ALDH1L1: variants seen among roughly 807,000 people sequenced by gnomAD.
ALDH1L1 encodes the protein aldehyde dehydrogenase 1 family member L1.
Under a neutral mutation model 101.1 loss-of-function variants are expected in ALDH1L1, and 68 were observed. That is an observed-to-expected ratio of 0.67 (90% CI 0.55 to 0.82). The LOEUF (loss-of-function observed/expected upper bound fraction) is 0.82. Among genes scored for constraint, ALDH1L1 ranks in the 40% least tolerant of loss-of-function variants. The pLI is 0.00. For synonymous variants in ALDH1L1, 486 were observed against 470.8 expected, an observed-to-expected ratio of 1.03 and a Z score of -0.42; for missense variants, 1,087 against 1,172.7, an observed-to-expected ratio of 0.93 and a Z score of 1.07.
upstream of ALDH1L1, among the ~76,000 whole-genome samples, chr3:126,183,840 A>G (rs745804656): frequency 2.6e-5 from 4 of 152,188 alleles, no homozygotes; most frequent in Non-Finnish European, 5.9e-5. Flanking sequence ...TCAAAGCCTG[A>G]TTTAGATGCA....
At chr3:126,147,282 C>T (rs1251365556) in intron 8 of ALDH1L1, among the ~76,000 whole-genome samples, 1 of 152,204 alleles carries the variant, frequency 6.6e-6, no homozygotes, top group Non-Finnish European at 1.5e-5. Flanking sequence ...CCAGCTGCTC[C>T]TGACCCCCAC....
chr3:126,146,826 T>G lies in ALDH1L1; in HGVS notation c.1076+9A>C. ...ACCTGGGACAGGACCCCTCCACTCC[T>G]GGCCTTACCTCACAACGTCCACAGA... On this transcript the variant is annotated intron_variant, in intron 9 of 22. Coordinates refer to ENST00000393434, the MANE Select transcript of ALDH1L1 (RefSeq NM_012190.4). The G allele has an allele frequency of 1.2e-6, 2 of 1,613,850 alleles. No homozygotes were observed. Among genetic ancestry groups the G allele is most frequent in the Non-Finnish European group, 1.7e-6 (2 of 1,179,822 alleles).
intron 8 of ALDH1L1, among the ~76,000 whole-genome samples, chr3:126,148,949 T>A (rs2080754307): frequency 6.6e-6 from 1 of 152,236 alleles, no homozygotes; most frequent in South Asian, 2.1e-4. Flanking sequence ...AGAGCTCACC[T>A]GAACCAGCCA....
In ALDH1L1 at chr3:126,135,554, G is replaced by A. The variant is rs758569749; in HGVS notation, c.1453C>T (p.Arg485Trp). The stretch of plus-strand genomic sequence containing the variant: ...TCCCACCTGTACATCAGCCGGCCCC[G>A]GTCCCGCGCACTGATCTTCCCCCAC... ...GRWGKISARD[R>W]GRLMYRLADL... The change falls in exon 12 of 23, where the codon CGG (arginine) becomes TGG (tryptophan). Residue 485 changes from arginine to tryptophan, a missense_variant. Transcript: ENST00000393434. 8.7e-6 allele frequency: 14 copies of A among 1,608,238 alleles called. No individual in the cohort carries two copies. The highest frequency in any genetic ancestry group is 2.2e-5 in the South Asian group (2 of 89,984).
chr3:126,143,398 G>C (rs1008439767), intron 9 of ALDH1L1, among the ~76,000 whole-genome samples: 3 of 152,020 alleles, frequency 2.0e-5, no homozygotes, highest in African/African-American at 7.2e-5. Context: ...GGATGGAGCG[G>C]GACAGCATGA....
chr3:126,124,518 C>T (rs1430918861), intron 15 of ALDH1L1, 67 bp from the exon 16 acceptor site: 5 of 1,292,442 alleles, frequency 3.9e-6, no homozygotes, highest in Non-Finnish European at 5.6e-6. Flanking sequence ...TGCCTTCCCT[C>T]CCCGCCTTCC....
chr3:126,157,595 C>A (rs1467391516), intron 3 of ALDH1L1, 87 bp from the exon 4 acceptor site: 2 of 1,440,436 alleles, frequency 1.4e-6, no homozygotes, highest in Non-Finnish European at 1.9e-6. Context: ...CTGCCACCCT[C>A]CAGGAGGCCC....
intron 14 of ALDH1L1, chr3:126,128,523 C>T (rs11718998): frequency 0.15 from 22,591 of 152,234 alleles, 1,737 homozygotes; most frequent in East Asian, 0.22. Context: ...CCCACTGAGG[C>T]GAGGTCCCCT....
intron 6 of ALDH1L1, 80 bp from the exon 7 acceptor site, chr3:126,153,661 G>T: frequency 2.0e-6 from 3 of 1,526,532 alleles, no homozygotes; most frequent in Non-Finnish European, 1.8e-6. Flanking sequence ...TCTGAGCAGG[G>T]CTGGGAGAGG....
intron 7 of ALDH1L1, 172 bp downstream of exon 7, chr3:126,153,272 G>A (rs1442962265): frequency 2.0e-6 from 2 of 977,740 alleles, no homozygotes; most frequent in East Asian, 2.6e-5. Context: ...CGGACACCCT[G>A]TGCTCAGGAC....
intron 10 of ALDH1L1, 30 bp downstream of exon 10, chr3:126,137,783 G>A: frequency 6.2e-7 from 1 of 1,608,124 alleles, no homozygotes; most frequent in African/African-American, 1.3e-5. Context: ...GGCTCTGCAG[G>A]GCCTGCTGCA....
rs1397027993 is a variant in ALDH1L1 at position 126,115,975 on chromosome 3, C to T, written c.1983-1319G>A. Among the ~76,000 whole-genome samples the T allele has an allele frequency of 5.9e-5, 9 of 151,432 alleles. No homozygotes were observed. In the South Asian group the frequency reaches 8.4e-4, roughly 14 times the overall value. On this transcript the variant is annotated intron_variant, in intron 17 of 22. Transcript: ENST00000393434. Reference sequence around the variant, plus strand: ...GTAACCTCCGCCTTCCGGATTCAAGCGATTCTCCTGCCTCAGCCTCTAGAG... The same window carrying T: ...GTAACCTCCGCCTTCCGGATTCAAGTGATTCTCCTGCCTCAGCCTCTAGAG...
intron 9 of ALDH1L1, among the ~76,000 whole-genome samples, chr3:126,139,015 A>G (rs1040999767): frequency 8.5e-5 from 13 of 152,126 alleles, no homozygotes; most frequent in Non-Finnish European, 1.2e-4. Flanking sequence ...CCCACCTCCC[A>G]CCTCTGCCAC....
intron 14 of ALDH1L1, among the ~76,000 whole-genome samples, chr3:126,127,709 G>A (rs943989153): frequency 2.0e-5 from 3 of 152,152 alleles, no homozygotes; most frequent in Non-Finnish European, 4.4e-5. Flanking sequence ...GAGGAGATGG[G>A]CAGCCCCTTA....
intron 1 of ALDH1L1, among the ~76,000 whole-genome samples, chr3:126,169,073 T>C (rs1172858252): frequency 6.6e-6 from 1 of 152,106 alleles, no homozygotes; most frequent in Non-Finnish European, 1.5e-5. Flanking sequence ...CAACAAAACA[T>C]GCAGAACTCA....
At chr3:126,115,029 AC>A (rs1165672501) in intron 17 of ALDH1L1, 1 of 456,828 alleles carries the variant, frequency 2.2e-6, no homozygotes, top group Non-Finnish European at 4.4e-6. Flanking sequence ...TTGACCTCTG[AC>A]CCCACCTGCA....
chr3:126,134,267 GC>G (rs1054513847), intron 12 of ALDH1L1, among the ~76,000 whole-genome samples: 2 of 150,978 alleles, frequency 1.3e-5, no homozygotes, highest in African/African-American at 2.5e-5. Context: ...ACTTACAGCT[GC>G]CCAGGGTGCC....
chr3:126,157,850 C>T (rs1399949694), intron 3 of ALDH1L1, among the ~76,000 whole-genome samples: 2 of 152,208 alleles, frequency 1.3e-5, no homozygotes, highest in Admixed American at 6.5e-5. Context: ...AGTCCGACTA[C>T]AAATCCACTC....
intron 12 of ALDH1L1, among the ~76,000 whole-genome samples, chr3:126,132,992 T>C (rs1409398652): frequency 6.6e-6 from 1 of 152,218 alleles, no homozygotes; most frequent in Non-Finnish European, 1.5e-5. Context: ...ACCGATTTTG[T>C]ACAGCAAATA....
Sources: allele counts gnomAD v4.1 joint callset (sites outside exome capture counted in the v4.1 genomes callset), GRCh38; gene constraint gnomAD v4.1.1; transcripts MANE v1.5; gene names NCBI Gene and HGNC (gene_info 2026-07-23, HGNC 2026-07-21).